The following ADGRV1 variants were observed in gnomAD, a reference collection of about 807,000 sequenced individuals.
ADGRV1 encodes the protein adhesion G protein-coupled receptor V1, also known as G-protein coupled receptor 98.
Under a neutral mutation model 596.2 loss-of-function variants are expected in ADGRV1, and 359 were observed. That is an observed-to-expected ratio of 0.60 (90% CI 0.55 to 0.66). ADGRV1 has a LOEUF of 0.66. Among genes scored for constraint, ADGRV1 ranks in the 30% least tolerant of loss-of-function variants. The pLI is 0.00. For missense variants in ADGRV1, 7,274 were observed against 7,575.6 expected (o/e 0.96, Z 1.48); for synonymous variants, 2,681 against 2,679.2 (o/e 1.00, Z -0.02).
At chr5:90,637,634 T>C (rs1766388535) in intron 10 of ADGRV1, 91 bp from the exon 11 acceptor site, 3 of 847,842 alleles carry the variant, frequency 3.5e-6, no homozygotes, top group Non-Finnish European at 5.3e-6. Context: ...CACACAGTAA[T>C]ATATGTACAA....
Position 91,138,738 on chromosome 5 carries a change from C to T in ADGRV1, c.18433-11292C>T, listed in dbSNP as rs529849829. Among the ~76,000 whole-genome samples, 3 of 151,526 alleles carry T rather than the reference C, an allele frequency of 2.0e-5. No homozygotes were observed. The South Asian group carries it at 6.3e-4, about 32-fold the overall frequency. ...ATATTTATCTGCTAGTGAGACTTCC[C>T]AGAATTCGTCATTTTGCCAATTTTA... is the stretch of plus-strand genomic sequence containing the variant. On this transcript the variant is annotated intron_variant, in intron 87 of 89. Coordinates refer to ENST00000405460, the MANE Select transcript of ADGRV1 (RefSeq NM_032119.4).
rs368266426 is a variant in ADGRV1, at chr5:90,778,756, C to A, written c.12850-109C>A. The A allele has an allele frequency of 5.6e-6, 6 of 1,066,142 alleles. No homozygotes were observed. The South Asian group carries it at 5.9e-5, about 10-fold the overall frequency. 66.0% of individuals were successfully genotyped at this position (1,066,142 alleles called of 1,614,324 possible). On this transcript the variant is annotated intron_variant, in intron 63 of 89. Coordinates refer to ENST00000405460, the MANE Select transcript of ADGRV1 (RefSeq NM_032119.4). ...ACATATAATCTATATAATTTTATAA[C>A]CTTATATGTAATTTTAACACAATCC... is the stretch of plus-strand genomic sequence containing the variant.
chr5:90,858,003 A>G (rs1435099222), intron 82 of ADGRV1, among the ~76,000 whole-genome samples: 8 of 152,162 alleles, frequency 5.3e-5, no homozygotes, highest in Non-Finnish European at 1.2e-4. Context: ...TATTTACTAT[A>G]CTAGAGCAGA....
chr5:90,709,862 T>C (rs1749103961), intron 39 of ADGRV1, among the ~76,000 whole-genome samples: 1 of 152,258 alleles, frequency 6.6e-6, no homozygotes, highest in Admixed American at 6.5e-5. Flanking sequence ...ATAATTTGAA[T>C]AGTTAACTTC....
chr5:90,993,901 G>T (rs952428705), intron 85 of ADGRV1, among the ~76,000 whole-genome samples: 17 of 149,940 alleles, frequency 1.1e-4, no homozygotes, highest in Non-Finnish European at 3.0e-5. Flanking sequence ...CTAAGGCTAT[G>T]TTAATTTTTT....
intron 21 of ADGRV1, among the ~76,000 whole-genome samples, chr5:90,666,772 C>T (rs540118568): frequency 1.3e-4 from 19 of 151,528 alleles, no homozygotes; most frequent in South Asian, 8.4e-4. Context: ...CCATGTTTAG[C>T]GCTTCCTTCA....
chr5:91,031,347 T>C, intron 85 of ADGRV1: 1 of 1,263,460 alleles, frequency 7.9e-7, no homozygotes, highest in Non-Finnish European at 1.2e-6. Context: ...CCCACTCCAA[T>C]CTATCTCATC....
In ADGRV1 at chr5:90,697,055, C is replaced by T. The variant is rs75195840; in HGVS notation, c.8064C>T (p.Ser2688=). ...TEGGSRILPS[S]DTVRVNILAN... ...GTGGAAGTAGAATTTTGCCAAGCTC[C>T]GACACTGTTAGAGTGAACATTTTGG... Residue 2688 remains serine (S), a synonymous_variant, in exon 34 of 90, where the codon TCC becomes TCT. Coordinates refer to ENST00000405460, the MANE Select transcript of ADGRV1 (RefSeq NM_032119.4). The T allele has an allele frequency of 4.4e-5, 71 of 1,613,358 alleles. No individual in the cohort carries two copies. Among genetic ancestry groups the T allele is most frequent in the African/African-American group, 1.9e-4 (14 of 74,986 alleles).
At position 91,150,166 on chromosome 5, in the gene ADGRV1, C is replaced by T; in HGVS notation, c.18569C>T (p.Pro6190Leu). ...TTCACGCCCGGGAGTGGAATGCCTC[C>T]TGCTGGAGGGGAAATCAGCAAGTCC... ...AFFTPGSGMP[P>L]AGGEISKSTQ... Residue 6190 changes from proline to leucine, a missense_variant, in exon 88 of 90, where the codon CCT becomes CTT. By Grantham distance (98) the Pro-to-Leu change is moderately conservative. Around this residue, in one of 5 missense-constraint regions of ADGRV1, gnomAD observed 1,874 missense variants for 1,970.2 expected, o/e 0.95. Transcript: ENST00000405460. The T allele has an allele frequency of 6.3e-7, 1 of 1,595,906 alleles. No individual in the cohort carries two copies. Among genetic ancestry groups the T allele is most frequent in the South Asian group, 1.2e-5 (1 of 86,880 alleles).
At chr5:91,026,524 C>A (rs1784029615) in intron 85 of ADGRV1, among the ~76,000 whole-genome samples, 1 of 152,124 alleles carries the variant, frequency 6.6e-6, no homozygotes, top group African/African-American at 2.4e-5. Context: ...TAAGTACACA[C>A]TATTAAGTAG....
intron 34 of ADGRV1, among the ~76,000 whole-genome samples, 151 bp downstream of exon 34, chr5:90,697,297 T>G (rs1747319795): frequency 6.6e-6 from 1 of 152,180 alleles, no homozygotes; most frequent in African/African-American, 2.4e-5. Context: ...GGGAGAAGGC[T>G]TTATAATGAA....
chr5:90,708,762 G>A, intron 38 of ADGRV1, 54 bp from the exon 39 acceptor site: 3 of 1,129,454 alleles, frequency 2.7e-6, no homozygotes, highest in South Asian at 1.3e-5. Flanking sequence ...GTTTCTGAGG[G>A]TTAATTACTT....
chr5:90,916,064 T>C (rs1203472709), intron 83 of ADGRV1, among the ~76,000 whole-genome samples: 3 of 152,054 alleles, frequency 2.0e-5, no homozygotes, highest in African/African-American at 7.2e-5. Context: ...GCTTAGGGAA[T>C]TGGAGAGATA....
Position 90,788,108 on chromosome 5 carries a change from C to G in ADGRV1, c.13691C>G (p.Ala4564Gly). Residue 4564 changes from alanine (A) to glycine (G), a missense_variant, in exon 68 of 90, where the codon GCC becomes GGC. Physicochemically the swap from Ala to Gly is moderately conservative, Grantham distance 60 (BLOSUM62 0). This residue lies in a region of ADGRV1 where 3,643 missense variants were observed against 3,809.2 expected (regional missense o/e 0.96). Transcript: ENST00000405460. ...WETVGPNSQE[A>G]LLPQNRDIAD... ...ACAGTAGGACCCAACTCTCAAGAAG[C>G]CTTACTGCCACAGAATAGAGACATT... is the stretch of plus-strand genomic sequence containing the variant. 2 of 1,612,972 alleles carry G rather than the reference C, an allele frequency of 1.2e-6. No homozygotes were observed. Among genetic ancestry groups the G allele is most frequent in the Non-Finnish European group, 1.7e-6 (2 of 1,179,310 alleles).
At chr5:90,865,258 G>A (rs1002543931) in intron 83 of ADGRV1, among the ~76,000 whole-genome samples, 5 of 152,026 alleles carry the variant, frequency 3.3e-5, no homozygotes, top group Admixed American at 1.3e-4. Context: ...GTCTGATCTC[G>A]CCTTTGCTTC....
At chr5:90,824,786 C>T (rs568782716) in intron 76 of ADGRV1, among the ~76,000 whole-genome samples, 3 of 152,324 alleles carry the variant, frequency 2.0e-5, no homozygotes, top group African/African-American at 7.2e-5. Flanking sequence ...TCCTACTGCA[C>T]ACAGTATGTC....
At chr5:90,976,322 G>GTGTGTGTATATATA (rs1420288881) in intron 84 of ADGRV1, among the ~76,000 whole-genome samples, 5 of 108,632 alleles carry the variant, frequency 4.6e-5, no homozygotes, top group Admixed American at 9.7e-5. Context: ...GTGTGTGTGT[G>GTGTGTGTATATATA]TATATATATA....
At position 90,753,910 on chromosome 5, in the gene ADGRV1, A is replaced by C. The variant is rs900506673; in HGVS notation, c.11377+81A>C. ...AATTCTAATATTTATAAGGAATGTA[A>C]ATTTCTCTTTTTATATGACTTTTTC... On this transcript the variant is annotated intron_variant, in intron 54 of 89. Coordinates refer to ENST00000405460, the MANE Select transcript of ADGRV1 (RefSeq NM_032119.4). The C allele has an allele frequency of 2.9e-5, 39 of 1,347,884 alleles. No homozygotes were observed. The African/African-American group carries it at 4.4e-4, about 15-fold the overall frequency. The allele number at this position is 1,347,884 out of a possible 1,614,324, so 83.5% of individuals were successfully genotyped here.
At chr5:91,111,094 A>G (rs1177906818) in intron 87 of ADGRV1, among the ~76,000 whole-genome samples, 1 of 152,198 alleles carries the variant, frequency 6.6e-6, no homozygotes, top group African/African-American at 2.4e-5. Context: ...ATGGTTGGGA[A>G]ATAAGTGATT....
Sources: allele counts gnomAD v4.1 joint callset (sites outside exome capture counted in the v4.1 genomes callset), GRCh38; gene constraint gnomAD v4.1.1; regional missense constraint gnomAD v4.1.1; transcripts MANE v1.5; gene names NCBI Gene and HGNC (gene_info 2026-07-23, HGNC 2026-07-21).